DLEU7: variants seen among roughly 807,000 people sequenced by gnomAD.
DLEU7 encodes the protein deleted in lymphocytic leukemia 7, also known as leukemia-associated protein 7.
DLEU7 carries 17 observed loss-of-function variants against 16.0 expected under a neutral mutation model. The observed-to-expected ratio is 1.06, with a 90% CI of 0.73 to 1.59. The LOEUF (loss-of-function observed/expected upper bound fraction) is 1.59. DLEU7 is among the 40% of genes most tolerant of loss of function. The probability of loss-of-function intolerance (pLI) is 0.00; values close to 1 mark genes in which losing one functional copy is unlikely to be tolerated. For synonymous variants in DLEU7, 113 were observed against 139.8 expected (o/e 0.81, Z 1.35); for missense variants, 308 against 314.9 (o/e 0.98, Z 0.17).
chr13:50,809,335 G>T (rs757363416), intron 1 of DLEU7, among the ~76,000 whole-genome samples: 53 of 152,110 alleles, frequency 3.5e-4, no homozygotes, highest in Non-Finnish European at 6.8e-4. Context: ...TAGCCCAAAG[G>T]CAATCACATT....
rs1219826944 is a variant in DLEU7 at position 50,843,013 on chromosome 13, C to T, written c.459+175G>A. Among the ~76,000 whole-genome samples, 8 of 152,268 alleles carry T rather than the reference C, an allele frequency of 5.3e-5. No individual in the cohort carries two copies. The highest frequency in any genetic ancestry group is 2.1e-4 in the South Asian group (1 of 4,824). Reference sequence around the variant, plus strand: ...GGTGGGTCTGGGGCTCCCTGCCCCTCCTGCTGAGTCCCCAGAGTGTCCCCC... The same window carrying T: ...GGTGGGTCTGGGGCTCCCTGCCCCTTCTGCTGAGTCCCCAGAGTGTCCCCC... On this transcript the variant is annotated intron_variant, in intron 1 of 1. Transcript: ENST00000504404. The surrounding 1 kb of genome is among the most constrained non-coding windows in gnomAD (Gnocchi z 5.7).
At chr13:50,784,382 T>G (rs1875742769) in intron 1 of DLEU7, among the ~76,000 whole-genome samples, 4 of 152,232 alleles carry the variant, frequency 2.6e-5, no homozygotes, top group Admixed American at 2.6e-4. Flanking sequence ...GAATTCCATC[T>G]GCATATCTGC....
At chr13:50,811,278 C>T (rs576545892) in intron 1 of DLEU7, among the ~76,000 whole-genome samples, 1 of 152,074 alleles carries the variant, frequency 6.6e-6, no homozygotes, top group East Asian at 1.9e-4. Flanking sequence ...AGTTAAGAAC[C>T]GAGGGAAGGC....
chr13:50,833,481 A>G (rs1368537660), intron 1 of DLEU7, among the ~76,000 whole-genome samples: 1 of 152,244 alleles, frequency 6.6e-6, no homozygotes, highest in African/African-American at 2.4e-5. Flanking sequence ...TACAAATTAC[A>G]AGGGATGTGA....
intron 1 of DLEU7, among the ~76,000 whole-genome samples, chr13:50,829,380 C>T (rs745977581): frequency 6.6e-6 from 1 of 152,098 alleles, no homozygotes; most frequent in African/African-American, 2.4e-5. Flanking sequence ...AGAAAACATG[C>T]AAGGGGAAAT....
chr13:50,833,649 C>T (rs1593416036), intron 1 of DLEU7, among the ~76,000 whole-genome samples: 1 of 152,192 alleles, frequency 6.6e-6, no homozygotes, highest in East Asian at 1.9e-4. Context: ...CTATTCCCAT[C>T]AAGCTACCAT....
At chr13:50,827,793 A>G (rs1877139006) in intron 1 of DLEU7, among the ~76,000 whole-genome samples, 1 of 152,208 alleles carries the variant, frequency 6.6e-6, no homozygotes, top group African/African-American at 2.4e-5. Flanking sequence ...TAAAAAAGAT[A>G]GTAGTAAGCC....
intron 1 of DLEU7, among the ~76,000 whole-genome samples, chr13:50,724,647 G>A (rs564421383): frequency 4.6e-5 from 7 of 152,304 alleles, no homozygotes; most frequent in Non-Finnish European, 5.9e-5. Flanking sequence ...AGATGATAGA[G>A]GAGATTCTGT....
At chr13:50,716,727 G>A (rs945767839) in intron 1 of DLEU7, among the ~76,000 whole-genome samples, 93 of 152,298 alleles carry the variant, frequency 6.1e-4, no homozygotes, top group East Asian at 5.8e-4. Flanking sequence ...TTTCTAAGTT[G>A]TAATCTGTAT....
intron 1 of DLEU7, among the ~76,000 whole-genome samples, chr13:50,815,966 G>T (rs1876722969): frequency 6.6e-6 from 1 of 151,964 alleles, no homozygotes; most frequent in African/African-American, 2.4e-5. Flanking sequence ...ATATAAAGTG[G>T]GTATCATGGT....
chr13:50,825,515 T>G (rs1316954170), intron 1 of DLEU7, among the ~76,000 whole-genome samples: 2 of 152,202 alleles, frequency 1.3e-5, no homozygotes, highest in Non-Finnish European at 2.9e-5. Context: ...AATTACTTCC[T>G]GATCATACTG....
At chr13:50,830,766 C>G (rs1877237736) in intron 1 of DLEU7, among the ~76,000 whole-genome samples, 1 of 152,112 alleles carries the variant, frequency 6.6e-6, no homozygotes, top group South Asian at 2.1e-4. Context: ...TATGTTACCC[C>G]ACATGGCACA....
At position 50,843,664 on chromosome 13, in the gene DLEU7, C is replaced by T. The variant is rs541245998; in HGVS notation, c.-18G>A. On this transcript the variant is annotated 5_prime_UTR_variant, in exon 1 of 2. Transcript: ENST00000504404. This position sits in a 1 kb window ranked among gnomAD's most constrained non-coding sequence, Gnocchi z 5.7. ...CTGGCCATCGCCTCCGCTGGCGGCC[C>T]GGCGCGCTCCGCGTGCAGGTGGAGC... The T allele has an allele frequency of 1.9e-5, 29 of 1,497,876 alleles. No individual in the cohort carries two copies. In the Admixed American group the frequency reaches 2.2e-4, roughly 11 times the overall value. 92.8% of individuals were successfully genotyped at this position (1,497,876 alleles called of 1,614,324 possible). A position where few individuals can be genotyped will look rare whatever the true frequency, so the allele number is the denominator to read the frequency against.
chr13:50,744,874 T>C (rs1874349937), intron 1 of DLEU7, among the ~76,000 whole-genome samples: 1 of 152,192 alleles, frequency 6.6e-6, no homozygotes, highest in Admixed American at 6.5e-5. Context: ...GTTGGACCAC[T>C]TCACACCTAT....
chr13:50,825,927 G>A (rs1017082050), intron 1 of DLEU7, among the ~76,000 whole-genome samples: 8 of 152,040 alleles, frequency 5.3e-5, no homozygotes, highest in African/African-American at 1.4e-4. Flanking sequence ...TGTTACATAC[G>A]TATACATGTG....
In DLEU7 at chr13:50,843,444, C is replaced by T; in HGVS notation, c.203G>A (p.Arg68Gln). The change falls in exon 1 of 2, where the codon CGG becomes CAG. Residue 68 changes from arginine to glutamine, a missense_variant. Physicochemically the swap from Arg to Gln is conservative, Grantham distance 43 (BLOSUM62 1). Transcript: ENST00000504404. This position sits in a 1 kb window ranked among gnomAD's most constrained non-coding sequence, Gnocchi z 5.7. ...ACTCCTGGTCCCCACGCCCCCGCCCCGCTCCTCGCGCCCGGGCCCCGGCCG... is the reference window on the plus strand; with the variant it reads ...ACTCCTGGTCCCCACGCCCCCGCCCTGCTCCTCGCGCCCGGGCCCCGGCCG... ...RARPGPGREE[R>Q]GGGVGTRSRR... 1.5e-6 allele frequency: 2 copies of T among 1,325,478 alleles called. No individual in the cohort carries two copies. Among genetic ancestry groups the T allele is most frequent in the Non-Finnish European group, 1.9e-6 (2 of 1,045,022 alleles). 82.1% of individuals were successfully genotyped at this position (1,325,478 alleles called of 1,614,324 possible).
intron 1 of DLEU7, among the ~76,000 whole-genome samples, chr13:50,734,694 A>G (rs1874015838): frequency 6.6e-6 from 1 of 152,204 alleles, no homozygotes; most frequent in African/African-American, 2.4e-5. Context: ...TAAAGGAAGA[A>G]CAACAATGAA....
chr13:50,713,273 T>C, intron 1 of DLEU7: 1 of 1,596,078 alleles, frequency 6.3e-7, no homozygotes, highest in Non-Finnish European at 8.5e-7. Context: ...TCTCAAATGC[T>C]TGCTTTGCAT....
At chr13:50,791,032 G>C (rs935755116) in intron 1 of DLEU7, among the ~76,000 whole-genome samples, 1 of 152,122 alleles carries the variant, frequency 6.6e-6, no homozygotes, top group Non-Finnish European at 1.5e-5. Flanking sequence ...AGAAGACCGA[G>C]TGGGCGAGGG....
Sources: allele counts gnomAD v4.1 joint callset (sites outside exome capture counted in the v4.1 genomes callset), GRCh38; gene constraint gnomAD v4.1.1; non-coding constraint Gnocchi (gnomAD v3.1); transcripts MANE v1.5; gene names NCBI Gene and HGNC (gene_info 2026-07-23, HGNC 2026-07-21).